The following RERE variants were observed in gnomAD, a reference collection of about 807,000 sequenced individuals.
RERE encodes the protein arginine-glutamic acid dipeptide repeats protein.
A neutral mutation model predicts 146.1 loss-of-function variants in RERE; 40 were observed. The observed-to-expected ratio is 0.27, with a 90% CI of 0.21 to 0.36. RERE has a LOEUF of 0.36. RERE is among the 10% of genes least tolerant of loss of function. The probability of loss-of-function intolerance (pLI) is 1.00; values close to 1 mark genes in which losing one functional copy is unlikely to be tolerated. For missense variants in RERE, 1,933 were observed against 2,138.7 expected (o/e 0.90, Z 1.90); for synonymous variants, 1,003 against 866.0 (o/e 1.16, Z -2.78).
intron 7 of RERE, among the ~76,000 whole-genome samples, chr1:8,517,878 A>T (rs1645442436): frequency 1.3e-5 from 2 of 152,232 alleles, no homozygotes; most frequent in Non-Finnish European, 2.9e-5. Context: ...AATGGACAGA[A>T]AGGAGCAGGG....
intron 1 of RERE, among the ~76,000 whole-genome samples, chr1:8,742,090 T>C (rs1640321274): frequency 6.6e-6 from 1 of 152,224 alleles, no homozygotes; most frequent in Admixed American, 6.5e-5. Flanking sequence ...GTGTAGTATG[T>C]ATATATCAAA....
intron 1 of RERE, among the ~76,000 whole-genome samples, chr1:8,740,815 T>C (rs1385347876): frequency 6.6e-6 from 1 of 152,180 alleles, no homozygotes; most frequent in Non-Finnish European, 1.5e-5. Context: ...GGAGCTGTCA[T>C]CTCCTACAAT....
intron 3 of RERE, among the ~76,000 whole-genome samples, chr1:8,617,029 A>G (rs1314567031): frequency 6.6e-6 from 1 of 152,174 alleles, no homozygotes. Flanking sequence ...CCTCTGACTC[A>G]GTACACCAAA....
At chr1:8,735,986 T>C (rs1205689521) in intron 1 of RERE, among the ~76,000 whole-genome samples, 1 of 152,236 alleles carries the variant, frequency 6.6e-6, no homozygotes, top group Non-Finnish European at 1.5e-5. Context: ...TCCTATATTG[T>C]TTGTAGCCTT....
intron 10 of RERE, among the ~76,000 whole-genome samples, chr1:8,471,977 A>G (rs1010305447): frequency 1.3e-4 from 20 of 152,138 alleles, no homozygotes; most frequent in Non-Finnish European, 2.5e-4. Flanking sequence ...ACGCCCGGCT[A>G]ATTTTTGTAT....
intron 10 of RERE, among the ~76,000 whole-genome samples, chr1:8,486,796 C>T (rs1236791212): frequency 2.9e-5 from 4 of 139,732 alleles, no homozygotes; most frequent in African/African-American, 1.0e-4. Context: ...AGAAAAAAAG[C>T]ACTTTCTATA....
chr1:8,751,843 A>G (rs1221330184), intron 1 of RERE, among the ~76,000 whole-genome samples: 3 of 152,040 alleles, frequency 2.0e-5, no homozygotes, highest in African/African-American at 7.2e-5. Context: ...AAGAAACAAC[A>G]ACAACAAAGT....
At chr1:8,663,601 G>C (rs970179482) in intron 1 of RERE, among the ~76,000 whole-genome samples, 1 of 152,082 alleles carries the variant, frequency 6.6e-6, no homozygotes, top group Non-Finnish European at 1.5e-5. Flanking sequence ...CTGTCCTCCA[G>C]TGCAGCCAGC....
intron 1 of RERE, among the ~76,000 whole-genome samples, chr1:8,770,677 T>G (rs759599595): frequency 1.1e-4 from 17 of 152,246 alleles, no homozygotes; most frequent in Non-Finnish European, 1.6e-4. Flanking sequence ...CTATGGCTAA[T>G]GTACTGCCCA....
intron 1 of RERE, among the ~76,000 whole-genome samples, chr1:8,676,382 CATG>C (rs1488320754): frequency 2.0e-5 from 3 of 151,870 alleles, no homozygotes; most frequent in African/African-American, 7.3e-5. Context: ...ACTCAGCTCA[CATG>C]AAGAACCATG....
At chr1:8,420,475 G>C (rs1044613443) in intron 12 of RERE, among the ~76,000 whole-genome samples, 3 of 152,144 alleles carry the variant, frequency 2.0e-5, no homozygotes, top group African/African-American at 7.2e-5. Context: ...TCCCCTCCCT[G>C]TGGGCTGTGA....
intron 4 of RERE, among the ~76,000 whole-genome samples, chr1:8,589,615 G>C (rs1281277239): frequency 6.6e-6 from 1 of 152,230 alleles, no homozygotes; most frequent in Non-Finnish European, 1.5e-5. Context: ...GAATAAGACA[G>C]ATTAGGTCTT....
chr1:8,685,538 G>A (rs531269241), intron 1 of RERE, among the ~76,000 whole-genome samples: 89 of 152,154 alleles, frequency 5.8e-4, no homozygotes, highest in African/African-American at 2.0e-3. Flanking sequence ...TGGCTAACAC[G>A]GTGAAACCCT....
chr1:8,695,969 T>C (rs1416944884), intron 1 of RERE, among the ~76,000 whole-genome samples: 2 of 152,022 alleles, frequency 1.3e-5, no homozygotes, highest in Non-Finnish European at 2.9e-5. Flanking sequence ...GGCCAACAAA[T>C]ATGATAAAAT....
chr1:8,531,072 A>ATCTGTCCAT (rs1557675122), intron 7 of RERE, among the ~76,000 whole-genome samples: 1 of 130,870 alleles, frequency 7.6e-6, no homozygotes, highest in Non-Finnish European at 1.6e-5. Flanking sequence ...TATCTATCTA[A>ATCTGTCCAT]CTTTCTATCT....
intron 10 of RERE, among the ~76,000 whole-genome samples, chr1:8,478,907 A>G (rs762066181): frequency 6.6e-6 from 1 of 152,312 alleles, no homozygotes; most frequent in Non-Finnish European, 1.5e-5. Context: ...AGGTCAGAAC[A>G]TATCAATTAA....
chr1:8,647,946 T>C (rs1238255793), intron 2 of RERE, among the ~76,000 whole-genome samples: 1 of 152,204 alleles, frequency 6.6e-6, no homozygotes, highest in Admixed American at 6.5e-5. Flanking sequence ...ATGTTATCTT[T>C]ACTTTTTCTT....
At chr1:8,525,639 A>G in intron 7 of RERE, 1 of 1,132,852 alleles carries the variant, frequency 8.8e-7, no homozygotes. Flanking sequence ...CTAGGGCTGA[A>G]TTAAAGGCTC....
chr1:8,739,178 A>G (rs111565855), intron 1 of RERE, among the ~76,000 whole-genome samples: 77 of 152,352 alleles, frequency 5.1e-4, no homozygotes, highest in African/African-American at 1.8e-3. Context: ...CATAAAATAT[A>G]GTAGCAAATA....
Sources: gnomAD v4.1 joint callset for allele counts (sites outside exome capture counted in the v4.1 genomes callset) on GRCh38, gnomAD v4.1.1 for gene constraint, MANE v1.5 for transcripts, NCBI Gene and HGNC (gene_info 2026-07-23, HGNC 2026-07-21) for gene names.